HDAC9: variants seen among roughly 807,000 people sequenced by gnomAD.
The protein encoded by HDAC9 is MEF-2 interacting transcription repressor (MITR) protein.
HDAC9 carries 41 observed loss-of-function variants against 139.4 expected under a neutral mutation model. The observed-to-expected ratio is 0.29, with a 90% CI of 0.23 to 0.38. The LOEUF is 0.38. HDAC9 is among the 10% of genes least tolerant of loss of function. The pLI, the probability that HDAC9 is intolerant of heterozygous loss-of-function variation, is 1.00. For synonymous variants in HDAC9, 517 were observed against 476.2 expected (o/e 1.09, Z -1.12); for missense variants, 1,147 against 1,297.0 (o/e 0.88, Z 1.78).
chr7:18,521,598 C>G (rs1805054791), intron 2 of HDAC9, among the ~76,000 whole-genome samples: 1 of 152,140 alleles, frequency 6.6e-6, no homozygotes, highest in Non-Finnish European at 1.5e-5. Context: ...GCATTTATCA[C>G]CATACTGTCT....
chr7:18,260,055 T>G (rs1336370122), intron 2 of HDAC9, among the ~76,000 whole-genome samples: 2 of 152,246 alleles, frequency 1.3e-5, no homozygotes, highest in South Asian at 4.1e-4. Flanking sequence ...TGGGCTACTG[T>G]TAGGTGTGTG....
intron 2 of HDAC9, among the ~76,000 whole-genome samples, chr7:18,188,923 A>G (rs13244826): frequency 0.014 from 2,200 of 152,338 alleles, 19 homozygotes; most frequent in Non-Finnish European, 0.024. Context: ...ACCATTGTGG[A>G]AGACAGTATG....
chr7:18,290,086 CA>C (rs1181998550), upstream of HDAC9: 1 of 158,196 alleles, frequency 6.3e-6, no homozygotes, highest in African/African-American at 2.4e-5. Flanking sequence ...CCTTCCTACC[CA>C]AATTGAGTAT....
chr7:18,825,119 G>T (rs1398983004), intron 17 of HDAC9, among the ~76,000 whole-genome samples: 1 of 152,186 alleles, frequency 6.6e-6, no homozygotes, highest in Non-Finnish European at 1.5e-5. Flanking sequence ...ATATCCAAGT[G>T]ATATTGAGTA....
intron 1 of HDAC9, among the ~76,000 whole-genome samples, chr7:18,329,828 A>C (rs1047413404): frequency 6.6e-6 from 1 of 151,756 alleles, no homozygotes; most frequent in Admixed American, 6.6e-5. Flanking sequence ...CCAGCTCTCT[A>C]GCTTAGTGCC....
At chr7:18,127,672 C>A (rs1784751165) in intron 1 of HDAC9, among the ~76,000 whole-genome samples, 2 of 152,194 alleles carry the variant, frequency 1.3e-5, no homozygotes, top group South Asian at 4.2e-4. Flanking sequence ...CTTAACACAG[C>A]CATGCTTTAA....
chr7:18,326,709 A>T (rs543253213), intron 1 of HDAC9, among the ~76,000 whole-genome samples: 126 of 152,118 alleles, frequency 8.3e-4, no homozygotes, highest in Non-Finnish European at 1.6e-3. Context: ...GCTAGCTAAG[A>T]CTTGTTTACT....
At chr7:18,865,135 T>G (rs1047933374) in intron 21 of HDAC9, among the ~76,000 whole-genome samples, 1 of 152,144 alleles carries the variant, frequency 6.6e-6, no homozygotes, top group African/African-American at 2.4e-5. Context: ...GCTGGCCGGC[T>G]GCCATTTTGA....
rs992138799 is a variant in HDAC9 at position 19,000,135 on chromosome 7, G to A, written c.*4073G>A. 2 of 152,184 alleles carry A rather than the reference G, an allele frequency of 1.3e-5. No individual in the cohort carries two copies. The highest frequency in any genetic ancestry group is 2.9e-5 in the Non-Finnish European group (2 of 68,020). 9.4% of individuals were successfully genotyped at this position (152,184 alleles called of 1,614,324 possible). A position where few individuals can be genotyped will look rare whatever the true frequency, so the allele number is the denominator to read the frequency against. ...CAGATGGTCTATGCTAAGAAGTGAAGGCATTTTGTTGTCTTCAGAACTGAT... is the reference window on the plus strand; with the variant it reads ...CAGATGGTCTATGCTAAGAAGTGAAAGCATTTTGTTGTCTTCAGAACTGAT... On this transcript the variant is annotated 3_prime_UTR_variant, in exon 26 of 26. Transcript: ENST00000686413.
At chr7:18,654,945 A>G (rs1236437521) in intron 11 of HDAC9, among the ~76,000 whole-genome samples, 2 of 152,258 alleles carry the variant, frequency 1.3e-5, no homozygotes, top group East Asian at 3.9e-4. Context: ...AGAGCCAACT[A>G]CAGCCAGGCC....
chr7:18,596,201 C>T (rs1287846228), intron 6 of HDAC9, among the ~76,000 whole-genome samples: 2 of 151,996 alleles, frequency 1.3e-5, no homozygotes, highest in Admixed American at 6.6e-5. Flanking sequence ...TTTCAAGCAT[C>T]GTAGCAATAA....
intron 21 of HDAC9, among the ~76,000 whole-genome samples, chr7:18,848,258 C>A (rs1430602327): frequency 2.6e-5 from 4 of 152,104 alleles, no homozygotes; most frequent in Non-Finnish European, 5.9e-5. Context: ...CAGCTCTGAT[C>A]AGAAGAAGAA....
intron 2 of HDAC9, among the ~76,000 whole-genome samples, chr7:18,562,278 A>G (rs1252226882): frequency 2.6e-5 from 4 of 152,092 alleles, no homozygotes; most frequent in Admixed American, 2.6e-4. Flanking sequence ...CTGTGGATTG[A>G]TGGTATTATT....
chr7:18,621,215 T>C (rs987176405), intron 6 of HDAC9, among the ~76,000 whole-genome samples: 2 of 151,756 alleles, frequency 1.3e-5, no homozygotes, highest in Non-Finnish European at 2.9e-5. Flanking sequence ...ACCCATAATA[T>C]ATTATTAAAT....
chr7:18,930,300 G>C (rs1462941176), intron 22 of HDAC9, among the ~76,000 whole-genome samples: 1 of 152,136 alleles, frequency 6.6e-6, no homozygotes, highest in African/African-American at 2.4e-5. Flanking sequence ...AGGAAGGTCT[G>C]TGCTAAAATT....
chr7:18,416,525 TCA>T (rs962217178), intron 1 of HDAC9, among the ~76,000 whole-genome samples: 6 of 152,246 alleles, frequency 3.9e-5, no homozygotes, highest in African/African-American at 1.4e-4. Context: ...AGTGAAGTCA[TCA>T]GGCCTCGTAT....
rs146326309 is a variant in HDAC9, at chr7:18,514,937, C to A, written c.22+18613C>A. ...ACTCTAGCCTGGATGACACATAAGACCCTGTCTCTAAAGATAATAAGAAAA... is the reference window on the plus strand; with the variant it reads ...ACTCTAGCCTGGATGACACATAAGAACCTGTCTCTAAAGATAATAAGAAAA... On this transcript the variant is annotated intron_variant, in intron 2 of 25. Coordinates refer to ENST00000686413, the MANE Select transcript of HDAC9 (RefSeq NM_178425.4). 3.0e-3 allele frequency among the ~76,000 whole-genome samples: 453 copies of A among 152,226 alleles called. 4 individuals are homozygous for A. The highest frequency in any genetic ancestry group is 0.01 in the African/African-American group (428 of 41,532).
At chr7:18,715,018 A>G (rs1399231173) in intron 12 of HDAC9, among the ~76,000 whole-genome samples, 1 of 152,214 alleles carries the variant, frequency 6.6e-6, no homozygotes, top group African/African-American at 2.4e-5. Flanking sequence ...AATACTTAGA[A>G]AAGACATTCT....
chr7:18,870,533 A>G (rs534711538), intron 21 of HDAC9, among the ~76,000 whole-genome samples: 2 of 152,268 alleles, frequency 1.3e-5, no homozygotes, highest in Non-Finnish European at 2.9e-5. Context: ...AACTTTATTC[A>G]GGTAGTGTCT....
Sources: allele counts gnomAD v4.1 joint callset (sites outside exome capture counted in the v4.1 genomes callset), GRCh38; gene constraint gnomAD v4.1.1; transcripts MANE v1.5; gene names NCBI Gene and HGNC (gene_info 2026-07-23, HGNC 2026-07-21).